PXDNL: variants seen among roughly 807,000 people sequenced by gnomAD.
PXDNL encodes the protein probable oxidoreductase PXDNL.
In PXDNL, 145 loss-of-function variants were observed where a neutral mutation model predicts 150.8. The observed-to-expected ratio is 0.96, with a 90% CI of 0.84 to 1.10. The LOEUF (loss-of-function observed/expected upper bound fraction) is 1.10, where lower values mean the gene tolerates loss of function less well. Among genes scored for constraint, PXDNL ranks in the 50% least tolerant of loss-of-function variants. The pLI is 0.00. For missense variants in PXDNL, 2,087 were observed against 1,873.9 expected, an observed-to-expected ratio of 1.11 and a Z score of -2.10; for synonymous variants, 757 against 725.7, an observed-to-expected ratio of 1.04 and a Z score of -0.69.
intron 1 of PXDNL, among the ~76,000 whole-genome samples, chr8:51,682,718 T>C (rs1476318972): frequency 6.6e-6 from 1 of 151,968 alleles, no homozygotes; most frequent in African/African-American, 2.4e-5. Flanking sequence ...AGAGACAAAG[T>C]AGAGAAACAA....
chr8:51,626,324 A>T (rs1422035930), intron 2 of PXDNL, among the ~76,000 whole-genome samples: 3 of 152,182 alleles, frequency 2.0e-5, no homozygotes, highest in African/African-American at 7.2e-5. Flanking sequence ...GGATATAAAA[A>T]CTACAGTTTG....
At chr8:51,652,450 C>A (rs1815061666) in intron 2 of PXDNL, among the ~76,000 whole-genome samples, 1 of 151,108 alleles carries the variant, frequency 6.6e-6, no homozygotes, top group Non-Finnish European at 1.5e-5. Flanking sequence ...CACACACACA[C>A]ACACACACAC....
At chr8:51,732,838 C>A (rs971140882) in intron 1 of PXDNL, among the ~76,000 whole-genome samples, 1 of 152,060 alleles carries the variant, frequency 6.6e-6, no homozygotes, top group African/African-American at 2.4e-5. Context: ...TGGGAAAGAC[C>A]CATCCCCATA....
At position 51,356,497 on chromosome 8, in the gene PXDNL, TA is replaced by T. The variant is rs11412665; in HGVS notation, c.3902-10551del. Among the ~76,000 whole-genome samples, 83 of 134,670 alleles carry T rather than the reference TA, an allele frequency of 6.2e-4. 1 individual carries two copies. Among genetic ancestry groups the T allele is most frequent in the Admixed American group, 1.2e-3 (17 of 13,652 alleles). 88.3% of individuals were successfully genotyped at this position (134,670 alleles called of 152,430 possible). ...GTGAAACTCCATCTCAAAAAAAGAA[TA>T]AAAAAAAAAAAAAGAAAATCCGTAC... On this transcript the variant is annotated intron_variant, in intron 19 of 22. Transcript: ENST00000356297.
At chr8:51,776,625 C>T (rs933215190) in intron 1 of PXDNL, among the ~76,000 whole-genome samples, 3 of 152,100 alleles carry the variant, frequency 2.0e-5, no homozygotes, top group African/African-American at 7.2e-5. Flanking sequence ...TGGCACCTTG[C>T]TTTTGGTCTG....
At chr8:51,424,815 T>G (rs1226257871) in intron 13 of PXDNL, among the ~76,000 whole-genome samples, 1 of 152,162 alleles carries the variant, frequency 6.6e-6, no homozygotes, top group Non-Finnish European at 1.5e-5. Context: ...AGTGTAACCA[T>G]GAACGTTTAG....
At chr8:51,336,369 C>T (rs939156558) in intron 21 of PXDNL, among the ~76,000 whole-genome samples, 1 of 152,190 alleles carries the variant, frequency 6.6e-6, no homozygotes, top group Non-Finnish European at 1.5e-5. Context: ...ATACACTGAA[C>T]AATCAGAAAT....
chr8:51,686,588 T>C (rs1364045139), intron 1 of PXDNL, among the ~76,000 whole-genome samples: 1 of 152,236 alleles, frequency 6.6e-6, no homozygotes, highest in Non-Finnish European at 1.5e-5. Flanking sequence ...GTTTTTATAA[T>C]CGTGTTGCTT....
intron 6 of PXDNL, among the ~76,000 whole-genome samples, chr8:51,478,659 C>T (rs891810078): frequency 6.6e-6 from 1 of 152,186 alleles, no homozygotes; most frequent in Admixed American, 6.5e-5. Context: ...GCAGAATTCC[C>T]GCTGGTTTCT....
intron 19 of PXDNL, among the ~76,000 whole-genome samples, chr8:51,357,251 C>T (rs1451986908): frequency 6.6e-6 from 1 of 152,174 alleles, no homozygotes; most frequent in Non-Finnish European, 1.5e-5. Flanking sequence ...TGGTTTTCTC[C>T]TATGTATCTT....
At chr8:51,412,622 G>T (rs1019728589) in intron 15 of PXDNL, among the ~76,000 whole-genome samples, 1 of 152,142 alleles carries the variant, frequency 6.6e-6, no homozygotes, top group African/African-American at 2.4e-5. Context: ...TACTTTATCC[G>T]ATTATGATGA....
intron 4 of PXDNL, among the ~76,000 whole-genome samples, chr8:51,534,038 A>C (rs1457566501): frequency 6.8e-6 from 1 of 146,866 alleles, no homozygotes; most frequent in African/African-American, 2.7e-5. Flanking sequence ...CTAGGAAGCG[A>C]GGAGCGCCTC....
chr8:51,482,276 G>A (rs115510202), intron 6 of PXDNL, among the ~76,000 whole-genome samples: 212 of 152,292 alleles, frequency 1.4e-3, no homozygotes, highest in African/African-American at 4.8e-3. Context: ...GGACTTGCAG[G>A]GGACTTGTAG....
At chr8:51,420,093 T>C (rs1247603507) in intron 14 of PXDNL, among the ~76,000 whole-genome samples, 1 of 152,230 alleles carries the variant, frequency 6.6e-6, no homozygotes, top group East Asian at 1.9e-4. Context: ...TTGTGTACTT[T>C]TCATTATTGT....
chr8:51,610,428 A>G (rs1813976072), intron 2 of PXDNL, among the ~76,000 whole-genome samples: 1 of 152,236 alleles, frequency 6.6e-6, no homozygotes, highest in Non-Finnish European at 1.5e-5. Context: ...ATTAGTATTC[A>G]GTCTTCAGGA....
intron 18 of PXDNL, among the ~76,000 whole-genome samples, chr8:51,373,271 C>G (rs1807185388): frequency 6.6e-6 from 1 of 152,132 alleles, no homozygotes; most frequent in Non-Finnish European, 1.5e-5. Flanking sequence ...CACATACAAG[C>G]CAGAAGAGAC....
At chr8:51,626,566 A>AAC (rs1348875970) in intron 2 of PXDNL, among the ~76,000 whole-genome samples, 14 of 152,122 alleles carry the variant, frequency 9.2e-5, no homozygotes, top group African/African-American at 3.4e-4. Context: ...GGAGCCTCCA[A>AAC]ACAAATACCC....
intron 19 of PXDNL, among the ~76,000 whole-genome samples, chr8:51,362,381 C>A (rs1054875205): frequency 6.6e-6 from 1 of 152,248 alleles, no homozygotes. Flanking sequence ...CTAAAATATG[C>A]CTTTCTGGAA....
intron 2 of PXDNL, among the ~76,000 whole-genome samples, chr8:51,625,095 G>A (rs1160824222): frequency 6.6e-6 from 1 of 152,082 alleles, no homozygotes; most frequent in East Asian, 1.9e-4. Flanking sequence ...AAAAGTTACT[G>A]AAGGTACCTG....
Sources: gnomAD v4.1 joint callset for allele counts (sites outside exome capture counted in the v4.1 genomes callset) on GRCh38, gnomAD v4.1.1 for gene constraint, MANE v1.5 for transcripts, NCBI Gene and HGNC (gene_info 2026-07-23, HGNC 2026-07-21) for gene names.